Variants in SYN2 observed in about 807,000 individuals in gnomAD.
SYN2 encodes synapsin-2.
Under a neutral mutation model 50.9 loss-of-function variants are expected in SYN2, and 19 were observed. That is an observed-to-expected ratio of 0.37 (90% CI 0.26 to 0.55). The LOEUF (loss-of-function observed/expected upper bound fraction) is 0.55, where lower values mean the gene tolerates loss of function less well. Ranked by LOEUF, SYN2 falls within the 20% of genes least tolerant of loss-of-function variation. The pLI is 0.81. For synonymous variants in SYN2, 255 were observed against 224.9 expected (o/e 1.13, Z -1.20); for missense variants, 587 against 576.4 (o/e 1.02, Z -0.19).
intron 4 of SYN2, among the ~76,000 whole-genome samples, chr3:12,150,078 C>T (rs1283043930): frequency 6.6e-6 from 1 of 152,210 alleles, no homozygotes; most frequent in East Asian, 1.9e-4. Context: ...CTCGTCTCCC[C>T]TCCCTGGCTT....
At chr3:12,157,439 A>G in intron 5 of SYN2, 2 of 1,614,182 alleles carry the variant, frequency 1.2e-6, no homozygotes, top group Non-Finnish European at 1.7e-6. Context: ...CAGGGTCTGC[A>G]CTGGCCGGAA....
At chr3:12,040,689 G>GCTTT (rs1209997261) in intron 1 of SYN2, among the ~76,000 whole-genome samples, 1 of 151,804 alleles carries the variant, frequency 6.6e-6, no homozygotes, top group African/African-American at 2.4e-5. Context: ...TTATTACTAG[G>GCTTT]CTTTATAACT....
intron 10 of SYN2, among the ~76,000 whole-genome samples, chr3:12,178,243 C>T (rs898781955): frequency 6.6e-6 from 1 of 152,186 alleles, no homozygotes; most frequent in Non-Finnish European, 1.5e-5. Context: ...GACCCTTTCC[C>T]AATTTCCTGT....
chr3:12,107,384 C>T (rs900759003), intron 1 of SYN2, among the ~76,000 whole-genome samples: 2 of 152,082 alleles, frequency 1.3e-5, no homozygotes, highest in African/African-American at 4.8e-5. Flanking sequence ...TGATGGATGT[C>T]GTTGCAGTAT....
At chr3:12,009,260 G>A (rs766173628) in intron 1 of SYN2, among the ~76,000 whole-genome samples, 1 of 151,926 alleles carries the variant, frequency 6.6e-6, no homozygotes, top group Non-Finnish European at 1.5e-5. Flanking sequence ...AGGGGATGTG[G>A]CTTGTTCAAG....
At chr3:12,155,888 G>A (rs1374113302) in intron 5 of SYN2, among the ~76,000 whole-genome samples, 1 of 152,156 alleles carries the variant, frequency 6.6e-6, no homozygotes, top group African/African-American at 2.4e-5. Context: ...GGAACTGCAG[G>A]GCTCAGTGGT....
At chr3:12,164,173 C>T (rs908460105) in intron 7 of SYN2, among the ~76,000 whole-genome samples, 1 of 152,126 alleles carries the variant, frequency 6.6e-6, no homozygotes, top group African/African-American at 2.4e-5. Flanking sequence ...CCTAGGAAAG[C>T]AGATTACCTA....
At chr3:12,147,178 G>T (rs1382123516) in intron 4 of SYN2, among the ~76,000 whole-genome samples, 1 of 152,154 alleles carries the variant, frequency 6.6e-6, no homozygotes, top group Non-Finnish European at 1.5e-5. Flanking sequence ...CACTCAGAGA[G>T]CTGAAGAGGG....
intron 1 of SYN2, among the ~76,000 whole-genome samples, chr3:12,050,475 A>G (rs554719876): frequency 6.6e-6 from 1 of 150,908 alleles, no homozygotes; most frequent in South Asian, 2.1e-4. Flanking sequence ...CCTCCCAAGT[A>G]GCTGGGACTA....
chr3:12,082,446 C>G (rs1425929177), intron 1 of SYN2, among the ~76,000 whole-genome samples: 1 of 152,204 alleles, frequency 6.6e-6, no homozygotes, highest in African/African-American at 2.4e-5. Context: ...AATCCAAGTT[C>G]TCAGATGCCG....
chr3:12,172,608 C>T (rs577087349), intron 10 of SYN2, among the ~76,000 whole-genome samples: 188 of 152,292 alleles, frequency 1.2e-3, no homozygotes, highest in African/African-American at 3.2e-3. Context: ...GGATTAACAA[C>T]GAGGAAAGCT....
chr3:12,167,217 G>T lies in SYN2; in HGVS notation c.981-17G>T. 1.9e-6 allele frequency: 3 copies of T among 1,610,914 alleles called. No individual in the cohort carries two copies. Among genetic ancestry groups the T allele is most frequent in the Non-Finnish European group, 1.7e-6 (2 of 1,178,678 alleles). The stretch of plus-strand genomic sequence containing the variant: ...GTGGCTCACTGCCTGTCCTATCCTG[G>T]TGGGATCTTGTTGCAGGAGGACATC... On this transcript the variant is annotated splice_polypyrimidine_tract_variant and intron_variant, in intron 7 of 12. Transcript: ENST00000621198.
At chr3:12,060,727 G>T (rs1390026785) in intron 1 of SYN2, among the ~76,000 whole-genome samples, 2 of 152,118 alleles carry the variant, frequency 1.3e-5, no homozygotes, top group Admixed American at 1.3e-4. Context: ...TACCACTGCA[G>T]CATGTATTAA....
chr3:12,099,843 T>C (rs919428021), intron 1 of SYN2, among the ~76,000 whole-genome samples: 2 of 151,138 alleles, frequency 1.3e-5, no homozygotes, highest in Non-Finnish European at 3.0e-5. Flanking sequence ...CGGGCGCCTG[T>C]AGTCCCAGCT....
At chr3:12,183,115 A>T (rs1698259624) in intron 10 of SYN2, among the ~76,000 whole-genome samples, 197 bp from the exon 11 acceptor site, 1 of 152,174 alleles carries the variant, frequency 6.6e-6, no homozygotes, top group South Asian at 2.1e-4. Context: ...GACTGCCCAC[A>T]CTGCCCCAAC....
intron 1 of SYN2, among the ~76,000 whole-genome samples, chr3:12,112,733 A>G (rs1696350256): frequency 6.6e-6 from 1 of 151,452 alleles, no homozygotes; most frequent in East Asian, 1.9e-4. Context: ...AGACTAAAAC[A>G]TAAACCTATT....
chr3:12,147,729 GT>G (rs1697185303), intron 4 of SYN2, among the ~76,000 whole-genome samples: 1 of 152,088 alleles, frequency 6.6e-6, no homozygotes, highest in African/African-American at 2.4e-5. Context: ...CTGTGCCCCA[GT>G]TTCTTCATCT....
Position 12,187,497 on chromosome 3 carries a change from CG to C in SYN2, c.1500del (p.Pro501ArgfsTer43), listed in dbSNP as rs898798372. 7.7e-6 allele frequency: 12 copies of C among 1,553,920 alleles called. No individual in the cohort carries two copies. The highest frequency in any genetic ancestry group is 1.0e-5 in the Non-Finnish European group (12 of 1,147,946). ...SSSSSSSAPQ[R>X]PGGPTTHGDA... ...TTCTTCCTCCTCCTCGGCTCCTCAG[CG>C]GCCGGGCGGCCCCACCACCCACGGA... On this transcript the variant is annotated frameshift_variant, in exon 12 of 13. Coordinates refer to ENST00000621198, the MANE Select transcript of SYN2 (RefSeq NM_133625.6). LOFTEE classifies it high-confidence loss of function.
At chr3:12,010,738 T>C (rs1693897006) in intron 1 of SYN2, among the ~76,000 whole-genome samples, 1 of 152,268 alleles carries the variant, frequency 6.6e-6, no homozygotes, top group Non-Finnish European at 1.5e-5. Flanking sequence ...AATTTTTTTC[T>C]ATATGGTAAT....
Sources: gnomAD v4.1 joint callset for allele counts (sites outside exome capture counted in the v4.1 genomes callset) on GRCh38, gnomAD v4.1.1 for gene constraint, MANE v1.5 for transcripts, NCBI Gene and HGNC (gene_info 2026-07-23, HGNC 2026-07-21) for gene names.